The following DPH6 variants were observed in gnomAD, a reference collection of about 807,000 sequenced individuals.
DPH6 encodes diphthine--ammonia ligase.
A neutral mutation model predicts 38.2 loss-of-function variants in DPH6; 33 were observed. The ratio of observed to expected loss-of-function variants is 0.86; its 90% CI spans 0.65 to 1.15. The LOEUF is 1.15. DPH6 is among the 50% of genes most tolerant of loss of function. The pLI is 0.00. For missense variants in DPH6, 325 were observed against 320.0 expected (o/e 1.02, Z -0.12); for synonymous variants, 108 against 103.0 (o/e 1.05, Z -0.30).
chr15:35,254,802 T>C (rs2051696778), intron 3 of DPH6, among the ~76,000 whole-genome samples: 2 of 152,096 alleles, frequency 1.3e-5, no homozygotes, highest in Admixed American at 6.5e-5. Context: ...GGCCGTTTTA[T>C]AGGATTTGGG....
intron 7 of DPH6, among the ~76,000 whole-genome samples, chr15:35,376,205 C>A (rs1754033884): frequency 6.6e-6 from 1 of 152,136 alleles, no homozygotes; most frequent in Non-Finnish European, 1.5e-5. Context: ...TGTTCTACCC[C>A]ACCCTGAGCT....
At position 35,378,980 on chromosome 15, in the gene DPH6, A is replaced by AAC. The variant is rs1291184911; in HGVS notation, c.662+2840_662+2841dup. 2.0e-5 allele frequency among the ~76,000 whole-genome samples: 3 copies of AAC among 152,250 alleles called. No individual in the cohort carries two copies. The East Asian group carries it at 5.8e-4, about 29-fold the overall frequency. On this transcript the variant is annotated intron_variant, in intron 7 of 8. Coordinates refer to ENST00000256538, the MANE Select transcript of DPH6 (RefSeq NM_080650.4). ...CTAGAACTTAAAAGTATAATTTACA[A>AAC]ACAAACAAACAAACAAACCCCCGAG... is the stretch of plus-strand genomic sequence containing the variant.
intron 3 of DPH6, among the ~76,000 whole-genome samples, chr15:35,334,722 C>T (rs2052354418): frequency 6.6e-6 from 1 of 152,108 alleles, no homozygotes; most frequent in African/African-American, 2.4e-5. Flanking sequence ...CATGTCCCTG[C>T]AAAGGACAAG....
At chr15:35,236,438 A>T (rs2051551442) in intron 3 of DPH6, among the ~76,000 whole-genome samples, 1 of 152,102 alleles carries the variant, frequency 6.6e-6, no homozygotes, top group South Asian at 2.1e-4. Flanking sequence ...GGAGATCGAG[A>T]CCATCCGGGC....
chr15:35,302,678 G>A (rs1324081679), intron 3 of DPH6, among the ~76,000 whole-genome samples: 2 of 152,124 alleles, frequency 1.3e-5, no homozygotes, highest in Non-Finnish European at 2.9e-5. Flanking sequence ...GAAGTTAAAT[G>A]TCCTAATTAA....
intron 3 of DPH6, among the ~76,000 whole-genome samples, chr15:35,364,559 T>G (rs1294683691): frequency 3.9e-5 from 6 of 152,126 alleles, no homozygotes; most frequent in Admixed American, 3.9e-4. Context: ...AGGATATTAT[T>G]GCTGGGTACA....
chr15:35,441,632 G>A (rs2053789449), intron 5 of DPH6, among the ~76,000 whole-genome samples: 1 of 152,178 alleles, frequency 6.6e-6, no homozygotes, highest in Non-Finnish European at 1.5e-5. Context: ...GATACAGGGA[G>A]GGGAACATCA....
At chr15:35,264,331 C>T (rs746710482) in intron 3 of DPH6, among the ~76,000 whole-genome samples, 4 of 152,062 alleles carry the variant, frequency 2.6e-5, no homozygotes, top group Non-Finnish European at 5.9e-5. Flanking sequence ...GAGGTAATAA[C>T]AAGAGGCAAT....
chr15:35,160,999 G>C, the DPH6 span, among the ~76,000 whole-genome samples: 11 of 152,056 alleles, frequency 7.2e-5, no homozygotes, highest in Middle Eastern at 3.4e-3. Context: ...GTGGGGTGGA[G>C]GGAGTGGGGA....
chr15:35,314,565 C>T (rs1162413195), intron 3 of DPH6, among the ~76,000 whole-genome samples: 1 of 152,060 alleles, frequency 6.6e-6, no homozygotes, highest in Non-Finnish European at 1.5e-5. Flanking sequence ...GAGACAAGAG[C>T]CTTGAAGATG....
At chr15:35,317,351 A>G (rs2052200062) in intron 3 of DPH6, among the ~76,000 whole-genome samples, 1 of 151,294 alleles carries the variant, frequency 6.6e-6, no homozygotes. Flanking sequence ...AAAGAAAAAG[A>G]AAGAGAGAAA....
downstream of DPH6, among the ~76,000 whole-genome samples, chr15:35,327,435 TC>T (rs538687142): frequency 2.9e-3 from 423 of 147,316 alleles, 3 homozygotes; most frequent in African/African-American, 0.01. Flanking sequence ...AACCTCCGCC[TC>T]CTGGGTTCAC....
chr15:35,541,091 T>A (rs754192023), intron 2 of DPH6, among the ~76,000 whole-genome samples: 3 of 152,062 alleles, frequency 2.0e-5, no homozygotes, highest in Non-Finnish European at 4.4e-5. Context: ...TCAAAAAACA[T>A]CACTTCTAAA....
chr15:35,487,514 C>T (rs961641153), intron 3 of DPH6, among the ~76,000 whole-genome samples: 2 of 152,248 alleles, frequency 1.3e-5, no homozygotes, highest in African/African-American at 4.8e-5. Flanking sequence ...TGAGCTGTAC[C>T]TTGGCCCCTT....
the DPH6 span, among the ~76,000 whole-genome samples, chr15:35,155,505 C>T: frequency 6.6e-6 from 1 of 152,142 alleles, no homozygotes; most frequent in African/African-American, 2.4e-5. Context: ...GCTCTTTGTC[C>T]ACTGCTCTTT....
intron 3 of DPH6, among the ~76,000 whole-genome samples, chr15:35,479,746 G>C (rs1479124877): frequency 6.6e-6 from 1 of 151,994 alleles, no homozygotes; most frequent in Non-Finnish European, 1.5e-5. Flanking sequence ...TCATGTTAAT[G>C]ATCACTACAC....
At chr15:35,190,229 C>A in the DPH6 span, among the ~76,000 whole-genome samples, 1 of 152,188 alleles carries the variant, frequency 6.6e-6, no homozygotes, top group Non-Finnish European at 1.5e-5. Context: ...TTCTCCTTGC[C>A]CGCTGCCTAG....
At chr15:35,379,221 C>T (rs954648649) in intron 7 of DPH6, among the ~76,000 whole-genome samples, 2 of 152,114 alleles carry the variant, frequency 1.3e-5, no homozygotes, top group Non-Finnish European at 2.9e-5. Context: ...CCTCCCTCAC[C>T]TCAAAAAAGA....
At position 35,218,855 on chromosome 15, in the gene DPH6, A is replaced by C. The variant is rs1020366176; in HGVS notation, n.1928T>G. 10 of 152,304 alleles carry C rather than the reference A, an allele frequency of 6.6e-5. No homozygotes were observed. The South Asian group carries it at 1.9e-3, about 28-fold the overall frequency. 9.4% of individuals were successfully genotyped at this position (152,304 alleles called of 1,614,324 possible). On this transcript the variant is annotated non_coding_transcript_exon_variant, in exon 4 of 4. Transcript: ENST00000560386. ...CTGATATGATCACAGAATTGAAAAA[A>C]AATGTATGTTTTCTTACACCAAGAG...
Sources: gnomAD v4.1 joint callset for allele counts (sites outside exome capture counted in the v4.1 genomes callset) on GRCh38, gnomAD v4.1.1 for gene constraint, MANE v1.5 for transcripts, NCBI Gene and HGNC (gene_info 2026-07-23, HGNC 2026-07-21) for gene names.